Variants in KCNH5 observed in about 807,000 individuals in gnomAD.
The protein encoded by KCNH5 is potassium voltage-gated channel subfamily H member 5.
A neutral mutation model predicts 96.1 loss-of-function variants in KCNH5; 46 were observed. The ratio of observed to expected loss-of-function variants is 0.48; its 90% confidence interval spans 0.38 to 0.61. KCNH5 has a LOEUF of 0.61. KCNH5 is among the 20% of genes least tolerant of loss of function. The pLI is 0.00. For synonymous variants in KCNH5, 439 were observed against 449.8 expected (o/e 0.98, Z 0.30); for missense variants, 907 against 1,225.8 (o/e 0.74, Z 3.88).
chr14:62,875,096 T>TTCAAAGAGAA, intron 7 of KCNH5, among the ~76,000 whole-genome samples: 1 of 137,566 alleles, frequency 7.3e-6, no homozygotes. Flanking sequence ...TCACAATTGC[T>TTCAAAGAGAA]TCAAAGAGAA....
At chr14:62,772,109 A>ACAC (rs1885999182) in intron 10 of KCNH5, among the ~76,000 whole-genome samples, 2 of 151,954 alleles carry the variant, frequency 1.3e-5, no homozygotes, top group South Asian at 4.2e-4. Context: ...AACAACAACA[A>ACAC]CAAAAAAAAC....
chr14:62,894,854 A>T (rs1888779964), intron 7 of KCNH5, among the ~76,000 whole-genome samples: 1 of 152,216 alleles, frequency 6.6e-6, no homozygotes, highest in South Asian at 2.1e-4. Flanking sequence ...AGATATTTCA[A>T]AAGACAACTC....
chr14:62,910,717 T>G (rs186836761), intron 7 of KCNH5, among the ~76,000 whole-genome samples: 6 of 152,318 alleles, frequency 3.9e-5, no homozygotes, highest in African/African-American at 1.2e-4. Context: ...CTAACCATGC[T>G]GGGCTCTGTA....
intron 1 of KCNH5, among the ~76,000 whole-genome samples, chr14:63,031,658 A>G (rs921962241): frequency 6.6e-6 from 1 of 152,200 alleles, no homozygotes; most frequent in African/African-American, 2.4e-5. Flanking sequence ...AAATAAGTCT[A>G]GGGATCTAAT....
At chr14:62,748,890 A>C (rs1254601903) in intron 10 of KCNH5, among the ~76,000 whole-genome samples, 1 of 152,192 alleles carries the variant, frequency 6.6e-6, no homozygotes, top group Non-Finnish European at 1.5e-5. Flanking sequence ...AAGTAAAATC[A>C]TTCCCAAGTA....
rs10140045 is a variant in KCNH5, at chr14:62,869,379, G to T, written c.1370-19527C>A. Among the ~76,000 whole-genome samples, 608 of 143,468 alleles carry T rather than the reference G, an allele frequency of 4.2e-3. 2 individuals carry two copies. The highest frequency in any genetic ancestry group is 0.013 in the African/African-American group (500 of 37,510). 94.1% of individuals were successfully genotyped at this position (143,468 alleles called of 152,430 possible). On this transcript the variant is annotated intron_variant, in intron 7 of 10. Transcript: ENST00000322893. Reference sequence around the variant, plus strand: ...TATCCTTTGCCTACTTTTTGATGGGGTTTTTTTTTTTCTTGTAAATCTGTT... The same window carrying T: ...TATCCTTTGCCTACTTTTTGATGGGTTTTTTTTTTTTCTTGTAAATCTGTT...
Position 62,982,412 on chromosome 14 carries a change from G to A in KCNH5, c.550-1148C>T, listed in dbSNP as rs1890627936. Among the ~76,000 whole-genome samples, 2 of 152,142 alleles carry A rather than the reference G, an allele frequency of 1.3e-5. 1 individual carries two copies. The highest frequency in any genetic ancestry group is 4.1e-4 in the South Asian group (2 of 4,834). On this transcript the variant is annotated intron_variant, in intron 5 of 10. Transcript: ENST00000322893. Reference sequence around the variant, plus strand: ...AGCCAAAGACAATGTATGTGTTAAAGAGTTTGGTAAATGGAAATTTTTAAA... The same window carrying A: ...AGCCAAAGACAATGTATGTGTTAAAAAGTTTGGTAAATGGAAATTTTTAAA...
intron 7 of KCNH5, among the ~76,000 whole-genome samples, chr14:62,902,801 C>A (rs139090113): frequency 0.014 from 2,194 of 151,784 alleles, 47 homozygotes; most frequent in African/African-American, 0.05. Flanking sequence ...CTCACTGCAA[C>A]CTCTACCTCC....
chr14:63,028,109 CCT>C (rs10547361), intron 1 of KCNH5, among the ~76,000 whole-genome samples: 7,427 of 147,678 alleles, frequency 0.05, 186 homozygotes, highest in East Asian at 0.062. Flanking sequence ...GCTTTACAAA[CCT>C]CTCTCTCTCT....
At chr14:62,940,316 G>T (rs1889763477) in intron 7 of KCNH5, among the ~76,000 whole-genome samples, 1 of 151,406 alleles carries the variant, frequency 6.6e-6, no homozygotes, top group Admixed American at 6.6e-5. Flanking sequence ...GTCACTATCT[G>T]CCCATTTACA....
intron 7 of KCNH5, among the ~76,000 whole-genome samples, chr14:62,943,124 CAT>C (rs1409410787): frequency 2.0e-5 from 3 of 152,162 alleles, no homozygotes; most frequent in South Asian, 2.1e-4. Flanking sequence ...TTATTCAAAA[CAT>C]ATTTTTATTT....
intron 10 of KCNH5, among the ~76,000 whole-genome samples, chr14:62,718,766 AG>A (rs1158437227): frequency 3.9e-5 from 6 of 152,262 alleles, no homozygotes; most frequent in Admixed American, 2.6e-4. Flanking sequence ...GAATGTTCAC[AG>A]CAGCATCATT....
At chr14:62,750,546 T>C (rs1194643403) in intron 10 of KCNH5, among the ~76,000 whole-genome samples, 2 of 152,208 alleles carry the variant, frequency 1.3e-5, no homozygotes, top group African/African-American at 2.4e-5. Flanking sequence ...CAAAGGAGTC[T>C]CCCTTAGCCA....
intron 4 of KCNH5, among the ~76,000 whole-genome samples, chr14:62,993,938 A>G (rs1407129579): frequency 6.6e-6 from 1 of 152,070 alleles, no homozygotes; most frequent in African/African-American, 2.4e-5. Flanking sequence ...TGGCATTATG[A>G]GAATATTTGT....
chr14:62,713,378 A>G (rs774710108), intron 10 of KCNH5, among the ~76,000 whole-genome samples: 3 of 152,190 alleles, frequency 2.0e-5, no homozygotes, highest in Non-Finnish European at 2.9e-5. Context: ...CTACCCAACT[A>G]CTGAGCAAAT....
intron 7 of KCNH5, among the ~76,000 whole-genome samples, chr14:62,897,047 T>C (rs150785933): frequency 1.3e-5 from 2 of 152,288 alleles, no homozygotes; most frequent in African/African-American, 4.8e-5. Context: ...AACTGAGAAA[T>C]GTAACTCATG....
intron 7 of KCNH5, among the ~76,000 whole-genome samples, chr14:62,871,517 T>C (rs1200585857): frequency 6.6e-6 from 1 of 152,198 alleles, no homozygotes; most frequent in Non-Finnish European, 1.5e-5. Context: ...AACAAGGAAA[T>C]GTCTCATTTA....
intron 10 of KCNH5, among the ~76,000 whole-genome samples, chr14:62,760,178 T>C (rs1885716814): frequency 6.6e-6 from 1 of 152,190 alleles, no homozygotes; most frequent in African/African-American, 2.4e-5. Context: ...AATGGCCAAC[T>C]AGGTCATTTG....
chr14:62,994,426 A>T (rs188117992), intron 4 of KCNH5, among the ~76,000 whole-genome samples: 30 of 152,046 alleles, frequency 2.0e-4, no homozygotes, highest in African/African-American at 7.2e-4. Context: ...TTTAGAACAC[A>T]TATGGATAAC....
Sources: gnomAD v4.1 joint callset for allele counts (sites outside exome capture counted in the v4.1 genomes callset) on GRCh38, gnomAD v4.1.1 for gene constraint, MANE v1.5 for transcripts, NCBI Gene and HGNC (gene_info 2026-07-23, HGNC 2026-07-21) for gene names.